Variants in HMGCLL1 observed in about 807,000 individuals in gnomAD.
The protein encoded by HMGCLL1 is 3-hydroxymethyl-3-methylglutaryl-CoA lyase, cytoplasmic.
HMGCLL1 carries 36 observed loss-of-function variants against 39.1 expected under a neutral mutation model. The ratio of observed to expected loss-of-function variants is 0.92; its 90% CI spans 0.71 to 1.22. The LOEUF is 1.22. HMGCLL1 is among the 50% of genes most tolerant of loss of function. The probability of loss-of-function intolerance (pLI) is 0.00; values close to 1 mark genes in which losing one functional copy is unlikely to be tolerated. For synonymous variants in HMGCLL1, 149 were observed against 144.0 expected, an observed-to-expected ratio of 1.03 and a Z score of -0.25; for missense variants, 451 against 416.5, an observed-to-expected ratio of 1.08 and a Z score of -0.72.
intron 1 of HMGCLL1, among the ~76,000 whole-genome samples, chr6:55,548,995 G>A (rs2127463277): frequency 6.6e-6 from 1 of 151,674 alleles, no homozygotes; most frequent in African/African-American, 2.4e-5. Context: ...ACAAGATGCT[G>A]TAAACATGAT....
At chr6:55,636,337 A>G in the HMGCLL1 span, among the ~76,000 whole-genome samples, 12 of 152,208 alleles carry the variant, frequency 7.9e-5, no homozygotes, top group African/African-American at 1.2e-4. Context: ...AAGATGGAAC[A>G]TCAACAGAAC....
At chr6:55,620,134 G>A in the HMGCLL1 span, among the ~76,000 whole-genome samples, 2 of 152,096 alleles carry the variant, frequency 1.3e-5, no homozygotes, top group Non-Finnish European at 2.9e-5. Context: ...TGTGAATAGT[G>A]CTGCAGTAAA....
chr6:55,635,474 C>T, the HMGCLL1 span, among the ~76,000 whole-genome samples: 1 of 152,010 alleles, frequency 6.6e-6, no homozygotes, highest in African/African-American at 2.4e-5. Flanking sequence ...ATACCACCTA[C>T]AAACAAGGGA....
At chr6:55,488,405 T>C (rs1262982577) in intron 7 of HMGCLL1, among the ~76,000 whole-genome samples, 1 of 152,072 alleles carries the variant, frequency 6.6e-6, no homozygotes, top group Non-Finnish European at 1.5e-5. Flanking sequence ...TTTAATTAGA[T>C]AGATTAAAAA....
At chr6:55,511,131 T>C (rs1191390102) in intron 5 of HMGCLL1, among the ~76,000 whole-genome samples, 1 of 152,102 alleles carries the variant, frequency 6.6e-6, no homozygotes, top group Non-Finnish European at 1.5e-5. Flanking sequence ...CATTTGTCAT[T>C]GGCTTTTATT....
the HMGCLL1 span, among the ~76,000 whole-genome samples, chr6:55,654,615 A>G: frequency 6.6e-6 from 1 of 151,870 alleles, no homozygotes; most frequent in East Asian, 2.0e-4. Flanking sequence ...AGCATAGCTT[A>G]TCAGTTGTTT....
At chr6:55,483,008 A>G (rs1420294014) in intron 7 of HMGCLL1, among the ~76,000 whole-genome samples, 1 of 152,168 alleles carries the variant, frequency 6.6e-6, no homozygotes, top group African/African-American at 2.4e-5. Flanking sequence ...ATGTATTACA[A>G]TGATCCCAAT....
At chr6:55,589,985 A>G in the HMGCLL1 span, among the ~76,000 whole-genome samples, 1 of 151,530 alleles carries the variant, frequency 6.6e-6, no homozygotes, top group South Asian at 2.1e-4. Flanking sequence ...GCCCAAGGTA[A>G]TTTATAGATT....
chr6:55,487,348 C>T (rs1442273411), intron 7 of HMGCLL1, among the ~76,000 whole-genome samples: 1 of 151,904 alleles, frequency 6.6e-6, no homozygotes, highest in Non-Finnish European at 1.5e-5. Context: ...GCAGAATGTG[C>T]AGTTTTGTTA....
intron 8 of HMGCLL1, among the ~76,000 whole-genome samples, chr6:55,437,978 C>A (rs1311479207): frequency 6.6e-6 from 1 of 151,966 alleles, no homozygotes; most frequent in Non-Finnish European, 1.5e-5. Context: ...CCTTGGGTGA[C>A]TAGTTGAATT....
the HMGCLL1 span, among the ~76,000 whole-genome samples, chr6:55,634,699 G>A: frequency 6.6e-6 from 1 of 152,024 alleles, no homozygotes; most frequent in Admixed American, 6.6e-5. Flanking sequence ...AACCCTTGTG[G>A]CACACTGAGT....
rs1581781147 is a variant in HMGCLL1, at chr6:55,439,671, C to G, written c.796-112G>C. ...ATAAGCAAAATCTGAACTGGTTATT[C>G]AAATATATTCACTTACCCAGTGGCC... On this transcript the variant is annotated intron_variant, in intron 7 of 8. Transcript: ENST00000274901. The G allele has an allele frequency of 2.6e-6, 3 of 1,132,556 alleles. No individual in the cohort carries two copies. The East Asian group carries it at 7.3e-5, about 27-fold the overall frequency. The allele number at this position is 1,132,556 out of a possible 1,614,324, so 70.2% of individuals were successfully genotyped here. A position where few individuals can be genotyped will look rare whatever the true frequency, so the allele number is the denominator to read the frequency against.
the HMGCLL1 span, among the ~76,000 whole-genome samples, chr6:55,586,694 T>A: frequency 6.6e-6 from 1 of 151,956 alleles, no homozygotes; most frequent in African/African-American, 2.4e-5. Flanking sequence ...TGGTTTCCAG[T>A]TTCATCCATG....
the HMGCLL1 span, among the ~76,000 whole-genome samples, chr6:55,666,242 C>T: frequency 6.6e-6 from 1 of 151,832 alleles, no homozygotes; most frequent in African/African-American, 2.4e-5. Flanking sequence ...TAAATAGGGC[C>T]TAGAAACAGC....
At chr6:55,557,999 G>C (rs1346164851) in intron 1 of HMGCLL1, among the ~76,000 whole-genome samples, 1 of 152,108 alleles carries the variant, frequency 6.6e-6, no homozygotes. Flanking sequence ...AGGTTTGGTT[G>C]AAAACTAGCT....
rs527501172 is a variant in HMGCLL1 at position 55,504,406 on chromosome 6, G to A, written c.543-5107C>T. Among the ~76,000 whole-genome samples, 82 of 151,550 alleles carry A rather than the reference G, an allele frequency of 5.4e-4. 1 individual carries two copies. The highest frequency in any genetic ancestry group is 1.6e-3 in the African/African-American group (68 of 41,388). On this transcript the variant is annotated intron_variant, in intron 5 of 8. Transcript: ENST00000274901. Reference sequence around the variant, plus strand: ...CTTTATCTCTCTTAATGTACTTGCCGGTTTTGGCAGTACAATAATTATTTT... The same window carrying A: ...CTTTATCTCTCTTAATGTACTTGCCAGTTTTGGCAGTACAATAATTATTTT...
chr6:55,446,401 G>T (rs1362085615), intron 7 of HMGCLL1, among the ~76,000 whole-genome samples: 4 of 151,132 alleles, frequency 2.6e-5, no homozygotes, highest in Admixed American at 6.6e-5. Flanking sequence ...TTTTCTCTAA[G>T]TTCACAATTA....
chr6:55,567,943 ATTTAC>A (rs1442517685), intron 1 of HMGCLL1, among the ~76,000 whole-genome samples: 2 of 152,052 alleles, frequency 1.3e-5, no homozygotes, highest in African/African-American at 2.4e-5. Context: ...GCTTTTGTTT[ATTTAC>A]TTATTTAATT....
the HMGCLL1 span, among the ~76,000 whole-genome samples, chr6:55,609,944 C>A: frequency 1.3e-5 from 2 of 152,226 alleles, no homozygotes; most frequent in East Asian, 1.9e-4. Flanking sequence ...AGAAGAGAGA[C>A]CTGACTATTG....
Sources: gnomAD v4.1 joint callset for allele counts (sites outside exome capture counted in the v4.1 genomes callset) on GRCh38, gnomAD v4.1.1 for gene constraint, MANE v1.5 for transcripts, NCBI Gene and HGNC (gene_info 2026-07-23, HGNC 2026-07-21) for gene names.